The following CCDC167 variants were observed in gnomAD, a reference collection of about 807,000 sequenced individuals.
CCDC167 encodes coiled-coil domain-containing protein 167.
Under a neutral mutation model 12.7 loss-of-function variants are expected in CCDC167, and 15 were observed. The observed-to-expected ratio is 1.18, with a 90% CI of 0.79 to 1.81. The LOEUF is 1.81. Among genes scored for constraint, CCDC167 ranks in the 40% most tolerant of loss-of-function variants. CCDC167 has a pLI of 0.00. For synonymous variants in CCDC167, 52 were observed against 49.0 expected, an observed-to-expected ratio of 1.06 and a Z score of -0.26; for missense variants, 121 against 120.1, an observed-to-expected ratio of 1.01 and a Z score of -0.03.
At chr6:37,484,705 G>T in intron 3 of CCDC167, 105 bp downstream of exon 3, 1 of 1,334,974 alleles carries the variant, frequency 7.5e-7, no homozygotes, top group Non-Finnish European at 1.1e-6. Context: ...CCCTCCCAAA[G>T]AACCCCCTTG....
chr6:37,491,503 C>T (rs534284075), intron 1 of CCDC167, among the ~76,000 whole-genome samples: 2 of 152,300 alleles, frequency 1.3e-5, no homozygotes, highest in East Asian at 3.9e-4. Flanking sequence ...CAGCGAGTGA[C>T]AGGTTTGCTA....
intron 1 of CCDC167, among the ~76,000 whole-genome samples, chr6:37,495,549 C>T (rs1409055952): frequency 6.6e-6 from 1 of 152,184 alleles, no homozygotes; most frequent in Non-Finnish European, 1.5e-5. Context: ...GAAGCTAAAA[C>T]TCACAGTTTT....
At chr6:37,498,872 A>C (rs1762130486) in intron 1 of CCDC167, among the ~76,000 whole-genome samples, 1 of 152,018 alleles carries the variant, frequency 6.6e-6, no homozygotes, top group Non-Finnish European at 1.5e-5. Context: ...TCAAAGTCCT[A>C]CTGAATTACT....
At chr6:37,498,613 G>A (rs927074049) in intron 1 of CCDC167, among the ~76,000 whole-genome samples, 1 of 152,008 alleles carries the variant, frequency 6.6e-6, no homozygotes, top group African/African-American at 2.4e-5. Flanking sequence ...ATCACTTGAG[G>A]TCAAGAGTTC....
chr6:37,489,931 G>C (rs989371551), intron 1 of CCDC167, among the ~76,000 whole-genome samples: 2 of 152,220 alleles, frequency 1.3e-5, no homozygotes, highest in African/African-American at 4.8e-5. Context: ...ACGGCACAGT[G>C]TGGGGGCAGA....
intron 1 of CCDC167, among the ~76,000 whole-genome samples, chr6:37,496,661 C>T (rs535624814): frequency 2.6e-5 from 4 of 152,252 alleles, no homozygotes; most frequent in East Asian, 1.9e-4. Context: ...ATTACCAATC[C>T]GGTGCCAGGC....
rs373327543 is a variant in CCDC167 at position 37,485,121 on chromosome 6, C to T, written c.116G>A (p.Arg39Gln). 5.3e-5 allele frequency: 85 copies of T among 1,613,010 alleles called. No individual in the cohort carries two copies. The highest frequency in any genetic ancestry group is 6.3e-5 in the Non-Finnish European group (74 of 1,179,888). The change falls in exon 2 of 4, where the codon CGG (arginine) becomes CAG (glutamine). Residue 39 changes from arginine (R) to glutamine (Q), a missense_variant. Arg to Gln is a conservative substitution (Grantham distance 43). Coordinates refer to ENST00000373408, the MANE Select transcript of CCDC167 (RefSeq NM_138493.3). ...TTACCTGGCCTCTGGGCTCAGCTCC[C>T]GGCTGTGGAGTCTGGAGTTCACGGC... is the stretch of plus-strand genomic sequence containing the variant. ...LEAVNSRLHS[R>Q]ELSPEARRSL...
Position 37,483,296 on chromosome 6 carries a change from G to C in CCDC167, c.191-7C>G. 6.2e-7 allele frequency: 1 copy of C among 1,604,666 alleles called. No homozygotes were observed. Among genetic ancestry groups the C allele is most frequent in the Non-Finnish European group, 8.5e-7 (1 of 1,171,496 alleles). On this transcript the variant is annotated splice_polypyrimidine_tract_variant and splice_region_variant and intron_variant, in intron 3 of 3. Transcript: ENST00000373408. ...AGAAACTTCAGTTCCTTCTCTGGGA[G>C]GAAAGAGGGTGATAGGGATAGGACA...
chr6:37,498,756 C>CA (rs1762128665), intron 1 of CCDC167, among the ~76,000 whole-genome samples: 1 of 151,910 alleles, frequency 6.6e-6, no homozygotes, highest in Non-Finnish European at 1.5e-5. Context: ...ACCCAGAAGG[C>CA]AGAGTTTACA....
intron 1 of CCDC167, among the ~76,000 whole-genome samples, chr6:37,493,248 G>A (rs1434861005): frequency 2.0e-5 from 3 of 152,202 alleles, no homozygotes; most frequent in African/African-American, 4.8e-5. Flanking sequence ...GTTAGCGCCC[G>A]AGCCAGTCCG....
At chr6:37,485,066 G>A (rs1761924863) in intron 2 of CCDC167, 34 bp downstream of exon 2, 1 of 1,574,534 alleles carries the variant, frequency 6.4e-7, no homozygotes, top group Admixed American at 1.7e-5. Context: ...GGGGCCTGAT[G>A]GGGAAGGGTG....
At chr6:37,485,367 C>T (rs553408206) in intron 1 of CCDC167, among the ~76,000 whole-genome samples, 173 bp from the exon 2 acceptor site, 2 of 152,370 alleles carry the variant, frequency 1.3e-5, no homozygotes, top group East Asian at 1.9e-4. Flanking sequence ...TTGCTGTCCT[C>T]TGCCTCCACG....
At chr6:37,491,618 C>G (rs1047661866) in intron 1 of CCDC167, among the ~76,000 whole-genome samples, 9 of 152,150 alleles carry the variant, frequency 5.9e-5, no homozygotes. Context: ...GGTAGCTGAG[C>G]CGAGCCAAGT....
At chr6:37,498,036 A>G (rs1426603550) in intron 1 of CCDC167, among the ~76,000 whole-genome samples, 1 of 151,998 alleles carries the variant, frequency 6.6e-6, no homozygotes, top group Non-Finnish European at 1.5e-5. Context: ...GAGCGACTCA[A>G]TTTTTTTCCC....
intron 1 of CCDC167, among the ~76,000 whole-genome samples, chr6:37,495,519 T>C (rs1359684761): frequency 1.3e-5 from 2 of 152,238 alleles, no homozygotes; most frequent in Non-Finnish European, 2.9e-5. Flanking sequence ...TTTTCTTTTC[T>C]TATTAAGAAT....
intron 1 of CCDC167, among the ~76,000 whole-genome samples, chr6:37,490,511 C>G (rs140663789): frequency 6.6e-6 from 1 of 152,116 alleles, no homozygotes; most frequent in Non-Finnish European, 1.5e-5. Flanking sequence ...AGAAAAGCCC[C>G]GTAGTGATGC....
intron 3 of CCDC167, 50 bp downstream of exon 3, chr6:37,484,760 G>T (rs772048921): frequency 2.5e-6 from 4 of 1,608,814 alleles, no homozygotes; most frequent in Non-Finnish European, 3.4e-6. Context: ...GACCCTTCCT[G>T]GTTCTGGGGA....
intron 3 of CCDC167, among the ~76,000 whole-genome samples, chr6:37,483,966 G>A (rs1761905662): frequency 6.6e-6 from 1 of 152,214 alleles, no homozygotes; most frequent in Non-Finnish European, 1.5e-5. Context: ...GGTTTTGTGT[G>A]AAAACCGCTA....
chr6:37,486,756 A>G (rs778805136), intron 1 of CCDC167, among the ~76,000 whole-genome samples: 11 of 152,222 alleles, frequency 7.2e-5, no homozygotes, highest in Non-Finnish European at 1.3e-4. Context: ...TGGGGAGGCC[A>G]AAGGCCTACC....
Sources: gnomAD v4.1 joint callset for allele counts (sites outside exome capture counted in the v4.1 genomes callset) on GRCh38, gnomAD v4.1.1 for gene constraint, MANE v1.5 for transcripts, NCBI Gene and HGNC (gene_info 2026-07-23, HGNC 2026-07-21) for gene names.